Variants in INPP5F observed in about 807,000 individuals in gnomAD.
INPP5F encodes the protein phosphatidylinositide 4-phosphatase SAC2.
Under a neutral mutation model 137.2 loss-of-function variants are expected in INPP5F, and 97 were observed. That is an observed-to-expected ratio of 0.71 (90% CI 0.60 to 0.84). The LOEUF (loss-of-function observed/expected upper bound fraction) is 0.84, where lower values mean the gene tolerates loss of function less well. Among genes scored for constraint, INPP5F ranks in the 40% least tolerant of loss-of-function variants. The pLI is 0.00. For missense variants in INPP5F, 1,271 were observed against 1,371.9 expected, an observed-to-expected ratio of 0.93 and a Z score of 1.16; for synonymous variants, 504 against 476.9, an observed-to-expected ratio of 1.06 and a Z score of -0.74.
Position 119,726,198 on chromosome 10 carries a change from C to T in INPP5F, c.-65C>T, listed in dbSNP as rs527840228. On this transcript the variant is annotated 5_prime_UTR_variant, in exon 1 of 20. Transcript: ENST00000650623. Reference sequence around the variant, plus strand: ...CCCGAGGCGCGGGCTCTGGCGGCCTCGACCGACTAGGACGCCCCGTGCGCC... The same window carrying T: ...CCCGAGGCGCGGGCTCTGGCGGCCTTGACCGACTAGGACGCCCCGTGCGCC... The T allele has an allele frequency of 9.3e-6, 10 of 1,080,150 alleles. No homozygotes were observed. The Admixed American group carries it at 1.3e-4, about 14-fold the overall frequency. 66.9% of individuals were successfully genotyped at this position (1,080,150 alleles called of 1,614,324 possible). A position where few individuals can be genotyped will look rare whatever the true frequency, so the allele number is the denominator to read the frequency against.
chr10:119,735,057 A>G (rs1172887318), intron 1 of INPP5F, among the ~76,000 whole-genome samples: 3 of 152,238 alleles, frequency 2.0e-5, no homozygotes, highest in Admixed American at 6.5e-5. Flanking sequence ...TAAAGTGAGG[A>G]TAAACACTGA....
At chr10:119,785,535 CGAGAGAGAGAGAGAGAGAGAGAGAGA>C (rs59804262) in intron 3 of INPP5F, among the ~76,000 whole-genome samples, 1 of 93,592 alleles carries the variant, frequency 1.1e-5, no homozygotes, top group East Asian at 2.8e-4. Flanking sequence ...GTGATCCGCT[CGAGAGAGAGAGAGAGAGAGAGAGAGA>C]GAGAGAGAGA....
chr10:119,761,909 A>G (rs1209655453), intron 2 of INPP5F, among the ~76,000 whole-genome samples: 1 of 152,202 alleles, frequency 6.6e-6, no homozygotes, highest in Non-Finnish European at 1.5e-5. Flanking sequence ...TGTTTCTCTT[A>G]GCATGTTAAT....
chr10:119,766,100 C>G (rs938087824), intron 2 of INPP5F, among the ~76,000 whole-genome samples: 2 of 151,928 alleles, frequency 1.3e-5, no homozygotes, highest in Non-Finnish European at 2.9e-5. Flanking sequence ...AGTTGGAATC[C>G]AAGGGCCTGA....
chr10:119,790,406 A>G (rs1280465400), intron 3 of INPP5F, among the ~76,000 whole-genome samples: 1 of 152,198 alleles, frequency 6.6e-6, no homozygotes, highest in Non-Finnish European at 1.5e-5. Flanking sequence ...GGAGCAGCTT[A>G]AAGCTGTAAT....
intron 9 of INPP5F, among the ~76,000 whole-genome samples, chr10:119,802,141 G>T (rs1850616496): frequency 6.6e-6 from 1 of 152,136 alleles, no homozygotes; most frequent in Non-Finnish European, 1.5e-5. Flanking sequence ...CTCCTGGGAG[G>T]CTTCTGGGAA....
intron 6 of INPP5F, among the ~76,000 whole-genome samples, chr10:119,794,805 C>A (rs544296702): frequency 8.3e-6 from 1 of 120,032 alleles, no homozygotes; most frequent in Non-Finnish European, 1.9e-5. Flanking sequence ...CTGACCCCCC[C>A]ACCTCCCTCC....
At chr10:119,782,512 A>T (rs1849741068) in intron 3 of INPP5F, among the ~76,000 whole-genome samples, 1 of 151,182 alleles carries the variant, frequency 6.6e-6, no homozygotes, top group African/African-American at 2.4e-5. Flanking sequence ...AGTCCCCAAG[A>T]CCCCCCTATG....
At chr10:119,727,184 T>TC (rs1366148360) in intron 1 of INPP5F, among the ~76,000 whole-genome samples, 2 of 152,232 alleles carry the variant, frequency 1.3e-5, no homozygotes, top group Admixed American at 6.5e-5. Context: ...GGCTTGCTAA[T>TC]CCTTTCCTCA....
rs745753823 is a variant in INPP5F, at chr10:119,726,269, C to T, written c.7C>T (p.Leu3Phe). Residue 3 changes from leucine (L) to phenylalanine (F), a missense_variant, in exon 1 of 20, where the codon CTC (leucine) becomes TTC (phenylalanine). Transcript: ENST00000650623. ...CTGGGCGCGCGGGGCCAGCATGGAGCTCTTCCAAGCCAAGGACCACTACAT... is the reference window on the plus strand; with the variant it reads ...CTGGGCGCGCGGGGCCAGCATGGAGTTCTTCCAAGCCAAGGACCACTACAT... ME[L>F]FQAKDHYILQ... 6 of 1,480,728 alleles carry T rather than the reference C, an allele frequency of 4.1e-6. No homozygotes were observed. The South Asian group carries it at 6.4e-5, about 16-fold the overall frequency. 91.7% of individuals were successfully genotyped at this position (1,480,728 alleles called of 1,614,324 possible). A position where few individuals can be genotyped will look rare whatever the true frequency, so the allele number is the denominator to read the frequency against.
At chr10:119,751,183 T>C (rs753706637) in intron 2 of INPP5F, 27 bp downstream of exon 2, 1 of 1,350,236 alleles carries the variant, frequency 7.4e-7, no homozygotes, top group African/African-American at 1.4e-5. Flanking sequence ...TCCTTAAACT[T>C]GTCAAATTTA....
chr10:119,801,400 T>C (rs1233080639), intron 9 of INPP5F, among the ~76,000 whole-genome samples: 1 of 152,216 alleles, frequency 6.6e-6, no homozygotes, highest in Non-Finnish European at 1.5e-5. Flanking sequence ...GTGGGCTGAA[T>C]GGGGATACAC....
intron 1 of INPP5F, among the ~76,000 whole-genome samples, chr10:119,737,086 C>G (rs1215405145): frequency 1.3e-5 from 2 of 152,240 alleles, no homozygotes; most frequent in East Asian, 3.9e-4. Context: ...CTCTGGGCCC[C>G]CCAAAGTGCT....
At chr10:119,779,134 A>C (rs929018453) in intron 2 of INPP5F, among the ~76,000 whole-genome samples, 1 of 152,172 alleles carries the variant, frequency 6.6e-6, no homozygotes, top group African/African-American at 2.4e-5. Context: ...GTTATGCATC[A>C]CTTAATGAGA....
At chr10:119,745,766 G>A (rs975738463) in intron 1 of INPP5F, among the ~76,000 whole-genome samples, 14 of 140,536 alleles carry the variant, frequency 1.0e-4, no homozygotes, top group African/African-American at 3.9e-4. Flanking sequence ...GTGCAGTGTC[G>A]TGATCTCGGC....
intron 15 of INPP5F, chr10:119,819,267 G>A (rs1299548671): frequency 1.2e-4 from 40 of 339,092 alleles, no homozygotes; most frequent in Non-Finnish European, 2.4e-5. Context: ...GGGTGGGGAG[G>A]GAATTAAATA....
chr10:119,801,027 A>G (rs906287037), intron 9 of INPP5F, among the ~76,000 whole-genome samples: 1 of 152,002 alleles, frequency 6.6e-6, no homozygotes, highest in Non-Finnish European at 1.5e-5. Flanking sequence ...AATAGAAAAA[A>G]TTTTTAAATC....
chr10:119,733,312 T>C (rs923024814), intron 1 of INPP5F, among the ~76,000 whole-genome samples: 2 of 152,254 alleles, frequency 1.3e-5, no homozygotes, highest in Non-Finnish European at 2.9e-5. Flanking sequence ...AATGTTGTTA[T>C]GTAATGAATT....
chr10:119,744,356 GT>G (rs1235253185), intron 1 of INPP5F, among the ~76,000 whole-genome samples: 1 of 152,064 alleles, frequency 6.6e-6, no homozygotes, highest in Non-Finnish European at 1.5e-5. Flanking sequence ...TTTGACTCCT[GT>G]TTTTACTGAG....
Sources: allele counts gnomAD v4.1 joint callset (sites outside exome capture counted in the v4.1 genomes callset), GRCh38; gene constraint gnomAD v4.1.1; transcripts MANE v1.5; gene names NCBI Gene and HGNC (gene_info 2026-07-23, HGNC 2026-07-21).